Variants in EYS observed in about 807,000 individuals in gnomAD.
The protein encoded by EYS is EGF-like photoreceptor maintenance factor.
EYS carries 250 observed loss-of-function variants against 282.1 expected under a neutral mutation model. The ratio of observed to expected loss-of-function variants is 0.89; its 90% CI spans 0.80 to 0.98. EYS has a LOEUF of 0.98. EYS is among the 50% of genes least tolerant of loss of function. The pLI is 0.00. For synonymous variants in EYS, 1,355 were observed against 1,282.9 expected, an observed-to-expected ratio of 1.06 and a Z score of -1.20; for missense variants, 4,016 against 3,709.0, an observed-to-expected ratio of 1.08 and a Z score of -2.15.
chr6:63,720,638 T>A lies in EYS; in HGVS notation c.9393A>T (p.Gly3131=). 1.3e-6 allele frequency: 2 copies of A among 1,521,214 alleles called. No homozygotes were observed. Among genetic ancestry groups the A allele is most frequent in the Non-Finnish European group, 1.8e-6 (2 of 1,132,394 alleles). The allele number at this position is 1,521,214 out of a possible 1,614,324, so 94.2% of individuals were successfully genotyped here. ...GTTCATCTCCATCATAAACATTGTATCCTTCTAATTTAATTAGTTCAATGT... is the reference window on the plus strand; with the variant it reads ...GTTCATCTCCATCATAAACATTGTAACCTTCTAATTTAATTAGTTCAATGT... ...PKNIELIKLE[G]YNVYDGDEQN... is the part of the protein sequence containing the mutation. The change falls in exon 43 of 43, where the codon GGA becomes GGT. Residue 3131 remains glycine (G), a synonymous_variant. Transcript: ENST00000503581.
At chr6:64,751,328 C>G (rs554016241) in intron 22 of EYS, among the ~76,000 whole-genome samples, 1 of 152,312 alleles carries the variant, frequency 6.6e-6, no homozygotes, top group South Asian at 2.1e-4. Flanking sequence ...GCATTTGAAG[C>G]AACTATACTT....
chr6:64,558,007 T>A (rs893509758), intron 26 of EYS, among the ~76,000 whole-genome samples: 3 of 152,064 alleles, frequency 2.0e-5, no homozygotes, highest in Non-Finnish European at 1.5e-5. Context: ...CTACAGACAC[T>A]TTCAACTAAC....
intron 13 of EYS, among the ~76,000 whole-genome samples, chr6:65,031,390 A>AT (rs1561930874): frequency 6.6e-6 from 1 of 152,008 alleles, no homozygotes; most frequent in Non-Finnish European, 1.5e-5. Context: ...CCTAGCACAC[A>AT]TGTACAGAAC....
intron 28 of EYS, among the ~76,000 whole-genome samples, chr6:64,426,781 A>G (rs1418045926): frequency 6.6e-6 from 1 of 152,156 alleles, no homozygotes; most frequent in Non-Finnish European, 1.5e-5. Context: ...CTAAACTTCT[A>G]TAAGCAACTT....
intron 7 of EYS, among the ~76,000 whole-genome samples, chr6:65,401,008 T>C (rs906760797): frequency 6.6e-6 from 1 of 151,954 alleles, no homozygotes; most frequent in African/African-American, 2.4e-5. Context: ...ATTGGAAATG[T>C]ACATTTGCAA....
At chr6:64,328,166 C>T (rs1770500272) in intron 29 of EYS, among the ~76,000 whole-genome samples, 1 of 152,194 alleles carries the variant, frequency 6.6e-6, no homozygotes, top group Non-Finnish European at 1.5e-5. Context: ...CTAATGCAGT[C>T]CATTTCCTAA....
intron 35 of EYS, among the ~76,000 whole-genome samples, chr6:63,927,391 C>T (rs1429026063): frequency 6.6e-6 from 1 of 152,124 alleles, no homozygotes; most frequent in African/African-American, 2.4e-5. Flanking sequence ...TGAGCCATGG[C>T]CCAAACACTT....
intron 33 of EYS, among the ~76,000 whole-genome samples, chr6:64,012,571 T>C (rs185891922): frequency 1.3e-5 from 2 of 152,328 alleles, no homozygotes; most frequent in East Asian, 3.9e-4. Context: ...ATTTCAAAAA[T>C]TAGACATTAG....
chr6:65,329,569 T>A (rs1371311801), intron 11 of EYS: 1 of 983,102 alleles, frequency 1.0e-6, no homozygotes, highest in Non-Finnish European at 1.2e-6. Context: ...CAGTTCGATA[T>A]CTTTTTTGCT....
chr6:64,090,164 T>C (rs967000540), intron 31 of EYS, among the ~76,000 whole-genome samples: 3 of 152,124 alleles, frequency 2.0e-5, no homozygotes, highest in Admixed American at 6.6e-5. Context: ...ATATTTCTCA[T>C]TGTACTTGAC....
intron 12 of EYS, among the ~76,000 whole-genome samples, chr6:65,271,305 A>G (rs1036497144): frequency 1.3e-5 from 2 of 151,380 alleles, no homozygotes; most frequent in African/African-American, 4.9e-5. Context: ...TCTGGGTATG[A>G]AGGCATGAGA....
chr6:64,525,948 C>T (rs1042165222), intron 26 of EYS, among the ~76,000 whole-genome samples: 1 of 151,072 alleles, frequency 6.6e-6, no homozygotes, highest in Non-Finnish European at 1.5e-5. Flanking sequence ...TTTGTAATAG[C>T]AAAAAAATAC....
intron 35 of EYS, among the ~76,000 whole-genome samples, chr6:63,941,646 C>T (rs1456083421): frequency 1.3e-5 from 2 of 152,104 alleles, no homozygotes; most frequent in Admixed American, 1.3e-4. Context: ...CCACAAAGGA[C>T]ACTTATTAGT....
intron 13 of EYS, among the ~76,000 whole-genome samples, chr6:65,017,328 T>C (rs1210066737): frequency 6.6e-6 from 1 of 152,242 alleles, no homozygotes; most frequent in African/African-American, 2.4e-5. Flanking sequence ...TGCAAACATA[T>C]GAAGTCAGTT....
intron 19 of EYS, among the ~76,000 whole-genome samples, chr6:64,834,330 A>T (rs2150030201): frequency 6.6e-6 from 1 of 152,046 alleles, no homozygotes; most frequent in African/African-American, 2.4e-5. Flanking sequence ...AAGTTTAAAC[A>T]TATTAGCTTC....
rs191294264 is a variant in EYS, at chr6:64,123,273, A to G, written c.6425-41271T>C. On this transcript the variant is annotated intron_variant, in intron 31 of 42. Coordinates refer to ENST00000503581, the MANE Select transcript of EYS (RefSeq NM_001142800.2). Reference sequence around the variant, plus strand: ...AAGCATTTTTTAAATAGAGAAAACAAGGCCTCATATAGTTACTAATATTAT... The same window carrying G: ...AAGCATTTTTTAAATAGAGAAAACAGGGCCTCATATAGTTACTAATATTAT... Among the ~76,000 whole-genome samples, 405 of 152,320 alleles carry G rather than the reference A, an allele frequency of 2.7e-3. 1 individual carries two copies. The highest frequency in any genetic ancestry group is 9.0e-3 in the African/African-American group (376 of 41,558).
At chr6:63,796,421 GT>G (rs1212199358) in intron 37 of EYS, among the ~76,000 whole-genome samples, 1 of 152,108 alleles carries the variant, frequency 6.6e-6, no homozygotes, top group Non-Finnish European at 1.5e-5. Flanking sequence ...TAATGCAAAG[GT>G]TAATATTGTG....
At chr6:64,355,200 G>A (rs559831685) in intron 29 of EYS, among the ~76,000 whole-genome samples, 3 of 151,678 alleles carry the variant, frequency 2.0e-5, no homozygotes, top group East Asian at 2.0e-4. Flanking sequence ...TTTCCCGATT[G>A]TGTGTATAAT....
At chr6:63,772,879 TTTC>T (rs1161473981) in intron 40 of EYS, among the ~76,000 whole-genome samples, 2 of 152,256 alleles carry the variant, frequency 1.3e-5, no homozygotes, top group East Asian at 3.9e-4. Flanking sequence ...CTTGCATTTT[TTTC>T]TTAGAAAAAT....
Sources: allele counts gnomAD v4.1 joint callset (sites outside exome capture counted in the v4.1 genomes callset), GRCh38; gene constraint gnomAD v4.1.1; transcripts MANE v1.5; gene names NCBI Gene and HGNC (gene_info 2026-07-23, HGNC 2026-07-21).